TLE7: variants seen among roughly 807,000 people sequenced by gnomAD.
TLE7 encodes transducin-like enhancer protein 7.
intron 4 of TLE7, among the ~76,000 whole-genome samples, 159 bp from the exon 5 acceptor site, chr16:71,432,484 G>A (rs1333646592): frequency 5.9e-5 from 9 of 152,156 alleles, no homozygotes; most frequent in Admixed American, 5.9e-4. Context: ...TTGAAGAAAT[G>A]ACACTGTGAG....
chr16:71,435,708 T>C (rs930433776), intron 1 of TLE7, among the ~76,000 whole-genome samples: 2 of 152,228 alleles, frequency 1.3e-5, no homozygotes, highest in African/African-American at 4.8e-5. Context: ...TTCAAACCTA[T>C]GTTAAAAATG....
At chr16:71,437,351 A>G (rs1169256420) in intron 1 of TLE7, among the ~76,000 whole-genome samples, 2 of 49,536 alleles carry the variant, frequency 4.0e-5, no homozygotes, top group Non-Finnish European at 8.7e-5. Context: ...TCTGTCTCAG[A>G]AAAAAAAAAA....
Position 71,432,731 on chromosome 16 carries a change from G to A in TLE7, c.335-8C>T, listed in dbSNP as rs1567555675. The A allele has an allele frequency of 7.5e-6, 3 of 398,694 alleles. No individual in the cohort carries two copies. In the East Asian group the frequency reaches 1.1e-4, roughly 14 times the overall value. 24.7% of individuals were successfully genotyped at this position (398,694 alleles called of 1,614,324 possible). ...AAGAAGAGTAAGGCTGGCCTGCAGG[G>A]AAAGAGCAATGCCCACCTGCTCACA... On this transcript the variant is annotated splice_region_variant and splice_polypyrimidine_tract_variant and intron_variant, in intron 3 of 9. Transcript: ENST00000561754.
intron 1 of TLE7, among the ~76,000 whole-genome samples, chr16:71,433,623 T>A (rs78854830): frequency 0.016 from 2,477 of 152,284 alleles, 68 homozygotes; most frequent in African/African-American, 0.056. Flanking sequence ...GGCATTGTAT[T>A]TTTCCTTTTA....
At position 71,433,168 on chromosome 16, in the gene TLE7, G is replaced by A. The variant is rs2042814083; in HGVS notation, c.157C>T (p.Pro53Ser). The change falls in exon 2 of 10, where the codon CCC (proline) becomes TCC (serine). Residue 53 changes from proline (P) to serine (S), a missense_variant. Transcript: ENST00000561754. ...CTGTGCTGTATTGGGGGGCCCGGGGGCTGCCAGGGCACTCCCAACAGACTG... is the reference window on the plus strand; with the variant it reads ...CTGTGCTGTATTGGGGGGCCCGGGGACTGCCAGGGCACTCCCAACAGACTG... ...LGSLLGVPWQ[P>S]PGPPIQHSPA... 1.0e-5 allele frequency: 4 copies of A among 398,574 alleles called. No individual in the cohort carries two copies. Among genetic ancestry groups the A allele is most frequent in the Non-Finnish European group, 1.8e-5 (4 of 226,140 alleles). 24.7% of individuals were successfully genotyped at this position (398,574 alleles called of 1,614,324 possible). A position where few individuals can be genotyped will look rare whatever the true frequency, so the allele number is the denominator to read the frequency against.
rs554159413 is a variant in TLE7, at chr16:71,430,714, G to A, written c.1175C>T (p.Thr392Met). ...AGGTGCCTCCAAGCCACTGAGGCGC[G>A]TATCTATCGCGGTCACAAAATAGCT... Reference protein sequence around the residue: ...CGSYFVTAIDTRLSGLEAPSL... With the variant: ...CGSYFVTAIDMRLSGLEAPSL... Residue 392 changes from threonine (T) to methionine (M), a missense_variant, in exon 9 of 10, where the codon ACG becomes ATG. Transcript: ENST00000561754. 1.3e-4 allele frequency: 53 copies of A among 398,582 alleles called. No homozygotes were observed. Among genetic ancestry groups the A allele is most frequent in the East Asian group, 1.8e-4 (5 of 28,064 alleles). 24.7% of individuals were successfully genotyped at this position (398,582 alleles called of 1,614,324 possible).
chr16:71,441,445 G>A (rs868213498), intron 1 of TLE7, among the ~76,000 whole-genome samples: 3 of 152,240 alleles, frequency 2.0e-5, no homozygotes, highest in Admixed American at 6.5e-5. Flanking sequence ...GGCGTGCGCG[G>A]CCGGGCTTGC....
intron 1 of TLE7, among the ~76,000 whole-genome samples, chr16:71,434,250 G>T (rs2042818103): frequency 1.3e-5 from 2 of 152,132 alleles, no homozygotes; most frequent in Admixed American, 6.5e-5. Context: ...ATTGTACAAG[G>T]CTAGTGGTAA....
chr16:71,440,687 G>C (rs2042843847), intron 1 of TLE7, among the ~76,000 whole-genome samples: 1 of 152,182 alleles, frequency 6.6e-6, no homozygotes, highest in Non-Finnish European at 1.5e-5. Flanking sequence ...AGCTGCAGGT[G>C]TCCCAGCCCG....
At chr16:71,437,373 A>T (rs2042830343) in intron 1 of TLE7, among the ~76,000 whole-genome samples, 1 of 151,100 alleles carries the variant, frequency 6.6e-6, no homozygotes. Flanking sequence ...AAAAAGGAAA[A>T]GAAAGGGAGG....
rs531378170 is a variant in TLE7, at chr16:71,440,645, T to C, written c.-97+1324A>G. Among the ~76,000 whole-genome samples the C allele has an allele frequency of 1.1e-4, 16 of 152,336 alleles. No individual in the cohort carries two copies. The East Asian group carries it at 3.1e-3, about 29-fold the overall frequency. On this transcript the variant is annotated intron_variant, in intron 1 of 9. Transcript: ENST00000561754. ...ACTCCAGGCACTTTAGCTGGTGGTT[T>C]TCTTCCCTTTGCTCCCCTAGAAGAG...
chr16:71,436,805 T>C (rs1299656048), intron 1 of TLE7, among the ~76,000 whole-genome samples: 1 of 152,226 alleles, frequency 6.6e-6, no homozygotes, highest in African/African-American at 2.4e-5. Context: ...CCAGTGTCCC[T>C]GAAAGCAAAG....
chr16:71,441,128 G>C (rs1195605274), intron 1 of TLE7, among the ~76,000 whole-genome samples: 2 of 152,188 alleles, frequency 1.3e-5, no homozygotes, highest in Non-Finnish European at 2.9e-5. Context: ...AAAGCCCCCT[G>C]CTCAGTCACT....
chr16:71,440,020 AT>A (rs2042841069), intron 1 of TLE7, among the ~76,000 whole-genome samples: 4 of 152,376 alleles, frequency 2.6e-5, no homozygotes, highest in Admixed American at 2.6e-4. Context: ...TTACTCAGCC[AT>A]AAAAAGAATG....
chr16:71,434,872 A>T (rs191230925), intron 1 of TLE7, among the ~76,000 whole-genome samples: 3 of 152,336 alleles, frequency 2.0e-5, no homozygotes, highest in Admixed American at 6.5e-5. Flanking sequence ...CACTTCTAAA[A>T]ATGTACCCTA....
At chr16:71,435,515 G>C (rs1217742982) in intron 1 of TLE7, among the ~76,000 whole-genome samples, 1 of 152,180 alleles carries the variant, frequency 6.6e-6, no homozygotes, top group African/African-American at 2.4e-5. Context: ...GCAATGTTCA[G>C]AAAAATGTGC....
At position 71,433,096 on chromosome 16, in the gene TLE7, G is replaced by A. The variant is rs1273472451; in HGVS notation, c.229C>T (p.Leu77Phe). The A allele has an allele frequency of 1.0e-5, 4 of 398,750 alleles. No individual in the cohort carries two copies. The highest frequency in any genetic ancestry group is 1.8e-5 in the Non-Finnish European group (4 of 226,274). 24.7% of individuals were successfully genotyped at this position (398,750 alleles called of 1,614,324 possible). The change falls in exon 2 of 10, where the codon CTC becomes TTC. Residue 77 changes from leucine to phenylalanine, a missense_variant. Leu to Phe is a conservative substitution (Grantham distance 22, BLOSUM62 0). Coordinates refer to ENST00000561754, the MANE Select transcript of TLE7 (RefSeq NM_001367365.2). ...AGCTCAGATCTACCCAGGCCCTGGA[G>A]GTGCCACTGCTGCTGGGTCACCGTG... Reference protein sequence around the residue: ...TSTVTQQQWHLQGLGRSELQA... With the variant: ...TSTVTQQQWHFQGLGRSELQA...
chr16:71,432,524 A>G, intron 4 of TLE7, 141 bp downstream of exon 4: 1 of 397,836 alleles, frequency 2.5e-6, no homozygotes. Flanking sequence ...GGATGGGGGA[A>G]CAGGGAACAT....
At chr16:71,436,250 C>A (rs371645434) in intron 1 of TLE7, among the ~76,000 whole-genome samples, 5 of 152,284 alleles carry the variant, frequency 3.3e-5, no homozygotes, top group African/African-American at 1.2e-4. Context: ...CCTCTCCCAG[C>A]CCCAGACCCT....
Sources: allele counts gnomAD v4.1 joint callset (sites outside exome capture counted in the v4.1 genomes callset), GRCh38; gene constraint gnomAD v4.1.1; transcripts MANE v1.5; gene names NCBI Gene and HGNC (gene_info 2026-07-23, HGNC 2026-07-21).